RBFOX1: variants seen among roughly 807,000 people sequenced by gnomAD.
RBFOX1 encodes RNA binding fox-1 homolog 1.
Under a neutral mutation model 57.7 loss-of-function variants are expected in RBFOX1, and 8 were observed. The observed-to-expected ratio is 0.14, with a 90% CI of 0.08 to 0.25. RBFOX1 has a LOEUF of 0.25. RBFOX1 is among the 10% of genes least tolerant of loss of function. The pLI, the probability that RBFOX1 is intolerant of heterozygous loss-of-function variation, is 1.00. For missense variants in RBFOX1, 611 were observed against 548.5 expected, an observed-to-expected ratio of 1.11 and a Z score of -1.14; for synonymous variants, 326 against 222.4, an observed-to-expected ratio of 1.47 and a Z score of -4.15.
rs1325599936 is a variant in RBFOX1, at chr16:5,454,893, T to TC, written c.220-12322dup. On this transcript the variant is annotated intron_variant, in intron 1 of 2. Coordinates refer to the RBFOX1 transcript ENST00000585867. ...TTCTTTCTTTCTTTCTTTCTTTCTT[T>TC]CTTTCTTTCTTTCTTTCTTTCCTTT... 9.6e-4 allele frequency among the ~76,000 whole-genome samples: 117 copies of TC among 122,158 alleles called. 3 individuals are homozygous for TC. Among genetic ancestry groups the TC allele is most frequent in the East Asian group, 3.7e-3 (15 of 4,062 alleles). 80.1% of individuals were successfully genotyped at this position (122,158 alleles called of 152,430 possible). A position where few individuals can be genotyped will look rare whatever the true frequency, so the allele number is the denominator to read the frequency against.
At chr16:7,204,462 TA>T (rs2089481108) in intron 4 of RBFOX1, among the ~76,000 whole-genome samples, 1 of 152,128 alleles carries the variant, frequency 6.6e-6, no homozygotes, top group African/African-American at 2.4e-5. Flanking sequence ...AGCAACATAG[TA>T]AGACATTGTC....
intron 3 of RBFOX1, among the ~76,000 whole-genome samples, chr16:5,832,839 A>C (rs950385134): frequency 1.1e-4 from 17 of 152,204 alleles, no homozygotes; most frequent in African/African-American, 4.1e-4. Context: ...AGGAGCAAAG[A>C]GTGTACATCT....
chr16:5,840,677 G>A (rs868340504), intron 3 of RBFOX1, among the ~76,000 whole-genome samples: 4 of 152,220 alleles, frequency 2.6e-5, no homozygotes, highest in South Asian at 2.1e-4. Context: ...AAGTGAGGCC[G>A]TGGGTCACCA....
Position 7,632,708 on chromosome 16 carries a change from C to A in RBFOX1, c.757+2025C>A, listed in dbSNP as rs527303769. On this transcript the variant is annotated intron_variant, in intron 11 of 15. Transcript: ENST00000550418. ...AGTATTATTTTTTTCTCTAACATTG[C>A]GGTCCTATAGAAGTGTCTGGGATAA... Among the ~76,000 whole-genome samples the A allele has an allele frequency of 1.1e-4, 16 of 152,266 alleles. 1 individual carries two copies. Among genetic ancestry groups the A allele is most frequent in the South Asian group, 2.1e-4 (1 of 4,824 alleles).
intron 3 of RBFOX1, among the ~76,000 whole-genome samples, chr16:6,950,654 A>T (rs1391065495): frequency 1.3e-5 from 2 of 152,152 alleles, no homozygotes; most frequent in Non-Finnish European, 2.9e-5. Context: ...TCTCTCAAGG[A>T]TGCAGAAAGA....
At chr16:5,904,281 A>G (rs778422116) in intron 4 of RBFOX1, among the ~76,000 whole-genome samples, 4 of 152,100 alleles carry the variant, frequency 2.6e-5, no homozygotes, top group Non-Finnish European at 5.9e-5. Context: ...AGAAATCTGC[A>G]TGCCACTTTA....
chr16:7,624,111 G>C (rs938302564), intron 10 of RBFOX1, among the ~76,000 whole-genome samples: 1 of 152,118 alleles, frequency 6.6e-6, no homozygotes, highest in African/African-American at 2.4e-5. Flanking sequence ...TAGTTGTTCT[G>C]TGCCACCTTT....
intron 3 of RBFOX1, among the ~76,000 whole-genome samples, chr16:6,861,204 A>C (rs1272030246): frequency 1.3e-5 from 2 of 152,204 alleles, no homozygotes; most frequent in Non-Finnish European, 2.9e-5. Flanking sequence ...GAACAGCTAC[A>C]GTTACCGCTG....
intron 1 of RBFOX1, among the ~76,000 whole-genome samples, chr16:6,053,150 G>A (rs571111401): frequency 2.6e-5 from 4 of 152,218 alleles, no homozygotes; most frequent in Non-Finnish European, 4.4e-5. Context: ...TGAGGCCTCC[G>A]CTATTATTTG....
chr16:7,079,457 T>G (rs2058821341), intron 4 of RBFOX1, among the ~76,000 whole-genome samples: 2 of 152,214 alleles, frequency 1.3e-5, no homozygotes, highest in South Asian at 4.1e-4. Context: ...CTGCATTTTG[T>G]CATGCAGCAC....
rs529958614 is a variant in RBFOX1, at chr16:7,138,700, C to G, written c.27+86602C>G. Among the ~76,000 whole-genome samples the G allele has an allele frequency of 5.3e-5, 8 of 152,318 alleles. No homozygotes were observed. The South Asian group carries it at 1.7e-3, about 32-fold the overall frequency. ...GCCTAATCATCTACCTTCATCATCT[C>G]CCAGATATATAGGCTGCATTTCTGC... On this transcript the variant is annotated intron_variant, in intron 4 of 15. Coordinates refer to ENST00000550418, the MANE Select transcript of RBFOX1 (RefSeq NM_018723.4).
intron 14 of RBFOX1, among the ~76,000 whole-genome samples, chr16:7,681,617 G>T (rs1420630676): frequency 6.6e-6 from 1 of 152,062 alleles, no homozygotes; most frequent in Non-Finnish European, 1.5e-5. Context: ...TAAAGTATAT[G>T]AGCATCCTGA....
chr16:6,244,034 G>A (rs542386460), intron 1 of RBFOX1, among the ~76,000 whole-genome samples: 3 of 152,268 alleles, frequency 2.0e-5, no homozygotes, highest in Admixed American at 2.0e-4. Flanking sequence ...AGAGCCGTGA[G>A]TGATGCAGTC....
At chr16:5,909,298 T>G (rs2058554787) in intron 4 of RBFOX1, among the ~76,000 whole-genome samples, 1 of 152,070 alleles carries the variant, frequency 6.6e-6, no homozygotes, top group African/African-American at 2.4e-5. Flanking sequence ...TTCACTGTGT[T>G]AGCCAGGATG....
chr16:6,530,192 T>C (rs1267411298), intron 2 of RBFOX1, among the ~76,000 whole-genome samples: 1 of 152,192 alleles, frequency 6.6e-6, no homozygotes, highest in African/African-American at 2.4e-5. Context: ...TTGGAGCATT[T>C]TTTCCTTTCT....
intron 3 of RBFOX1, among the ~76,000 whole-genome samples, chr16:6,691,028 C>T (rs1399356292): frequency 6.6e-6 from 1 of 152,086 alleles, no homozygotes; most frequent in African/African-American, 2.4e-5. Context: ...AGCTTCCAGT[C>T]ATTTTGTTAT....
At chr16:7,472,275 G>A (rs977939318) in intron 4 of RBFOX1, among the ~76,000 whole-genome samples, 6 of 151,046 alleles carry the variant, frequency 4.0e-5, no homozygotes, top group Middle Eastern at 6.8e-3. Context: ...TAAAATTTCA[G>A]TGTAAATACA....
At chr16:7,165,417 A>C (rs544388930) in intron 4 of RBFOX1, among the ~76,000 whole-genome samples, 33 of 148,170 alleles carry the variant, frequency 2.2e-4, no homozygotes, top group African/African-American at 8.1e-4. Flanking sequence ...AATGATAATA[A>C]TCATTATTAT....
At chr16:7,190,547 T>A (rs2085118666) in intron 4 of RBFOX1, among the ~76,000 whole-genome samples, 1 of 151,480 alleles carries the variant, frequency 6.6e-6, no homozygotes, top group Non-Finnish European at 1.5e-5. Flanking sequence ...AGCTGGAGAG[T>A]GACCTAAGTT....
Sources: gnomAD v4.1 joint callset for allele counts (sites outside exome capture counted in the v4.1 genomes callset) on GRCh38, gnomAD v4.1.1 for gene constraint, MANE v1.5 for transcripts, NCBI Gene and HGNC (gene_info 2026-07-23, HGNC 2026-07-21) for gene names.